Variants in HSD17B14 observed in about 807,000 individuals in gnomAD.
HSD17B14 encodes hydroxysteroid 17-beta dehydrogenase 14.
A neutral mutation model predicts 32.2 loss-of-function variants in HSD17B14; 32 were observed. That is an observed-to-expected ratio of 0.99 (90% confidence interval 0.75 to 1.33). HSD17B14 has a LOEUF of 1.33. HSD17B14 is among the 40% of genes most tolerant of loss of function. The pLI is 0.00. For synonymous variants in HSD17B14, 140 were observed against 155.4 expected (o/e 0.90, Z 0.74); for missense variants, 370 against 366.5 (o/e 1.01, Z -0.08).
At position 48,836,093 on chromosome 19, in the gene HSD17B14, G is replaced by T. The variant is rs567105339; in HGVS notation, c.88+231C>A. On this transcript the variant is annotated intron_variant, in intron 1 of 8. Transcript: ENST00000263278. ...TGACAGAGCCATTCCTCAAACCACTGGTTTTGTAGCTACACCAACAGACCC... is the reference window on the plus strand; with the variant it reads ...TGACAGAGCCATTCCTCAAACCACTTGTTTTGTAGCTACACCAACAGACCC... 2.0e-5 allele frequency among the ~76,000 whole-genome samples: 3 copies of T among 152,202 alleles called. No individual in the cohort carries two copies. The South Asian group carries it at 6.2e-4, about 32-fold the overall frequency.
At chr19:48,836,218 A>T in intron 1 of HSD17B14, 106 bp downstream of exon 1, 2 of 1,172,798 alleles carry the variant, frequency 1.7e-6, no homozygotes. Context: ...TTATAATATC[A>T]GAATCCTGGC....
rs2035518323 is a variant in HSD17B14, at chr19:48,836,425, G to A, written c.-14C>T. 1 of 1,592,924 alleles carries A rather than the reference G, an allele frequency of 6.3e-7. No individual in the cohort carries two copies. Among genetic ancestry groups the A allele is most frequent in the Admixed American group, 1.7e-5 (1 of 59,216 alleles). ...TCCCGTAGCCATCCCGTGTACGTCG[G>A]TCTCTCTCTCTCTCTACTCTGGGCC... is the stretch of plus-strand genomic sequence containing the variant. On this transcript the variant is annotated 5_prime_UTR_variant, in exon 1 of 9. Coordinates refer to ENST00000263278, the MANE Select transcript of HSD17B14 (RefSeq NM_016246.3).
At chr19:48,822,633 GTGATGGTGATGATGATTGTGGTAA>G (rs2035178957) in intron 5 of HSD17B14, among the ~76,000 whole-genome samples, 2 of 151,168 alleles carry the variant, frequency 1.3e-5, no homozygotes, top group African/African-American at 2.4e-5. Flanking sequence ...GATGATGGTG[GTGATGGTGATGATGATTGTGGTAA>G]TGATGGTGAT....
chr19:48,813,249 C>G lies in HSD17B14; in HGVS notation c.739G>C (p.Gly247Arg), dbSNP rs1339196792. 2 of 1,609,226 alleles carry G rather than the reference C, an allele frequency of 1.2e-6. No individual in the cohort carries two copies. The highest frequency in any genetic ancestry group is 1.7e-5 in the Admixed American group (1 of 59,290). The change falls in exon 9 of 9, where the codon GGG becomes CGG. Residue 247 changes from glycine to arginine, a missense_variant. Physicochemically the swap from Gly to Arg is moderately radical, Grantham distance 125. Transcript: ENST00000263278. ...FCTGIELLVT[G>R]GAELGYGCKA... The stretch of plus-strand genomic sequence containing the variant: ...CACCCGTACCCCAGCTCTGCACCCC[C>G]CGTCACGAGCAGTTCAATGCCCGTG...
chr19:48,825,399 C>T (rs1182222762), intron 5 of HSD17B14, among the ~76,000 whole-genome samples: 1 of 151,862 alleles, frequency 6.6e-6, no homozygotes, highest in South Asian at 2.1e-4. Flanking sequence ...ACAGCCTCAA[C>T]CTCCTGGGCT....
intron 5 of HSD17B14, among the ~76,000 whole-genome samples, chr19:48,819,791 C>T (rs2035115337): frequency 6.6e-6 from 1 of 152,204 alleles, no homozygotes; most frequent in Non-Finnish European, 1.5e-5. Context: ...CTGCCCAGGA[C>T]TGTAAACTCC....
chr19:48,818,266 G>A (rs934926573), intron 5 of HSD17B14, among the ~76,000 whole-genome samples: 5 of 146,504 alleles, frequency 3.4e-5, no homozygotes, highest in Non-Finnish European at 5.9e-5. Context: ...AGCCACAATC[G>A]CACCACTGCA....
intron 5 of HSD17B14, among the ~76,000 whole-genome samples, chr19:48,831,405 T>C (rs942535840): frequency 6.6e-6 from 1 of 151,784 alleles, no homozygotes; most frequent in African/African-American, 2.4e-5. Flanking sequence ...ATTATGAAAT[T>C]TAGCTGGTTT....
chr19:48,816,568 G>A (rs1374665125), intron 5 of HSD17B14, among the ~76,000 whole-genome samples: 3 of 152,068 alleles, frequency 2.0e-5, no homozygotes, highest in South Asian at 2.1e-4. Flanking sequence ...AATGCTAAAC[G>A]GGGACTTTCC....
rs1250953711 is a variant in HSD17B14 at position 48,835,846 on chromosome 19, G to A, written c.89-3C>T. 1 of 1,613,350 alleles carries A rather than the reference G, an allele frequency of 6.2e-7. No individual in the cohort carries two copies. The highest frequency in any genetic ancestry group is 1.3e-5 in the African/African-American group (1 of 74,966). On this transcript the variant is annotated splice_region_variant and splice_polypyrimidine_tract_variant and intron_variant, in intron 1 of 8. Coordinates refer to ENST00000263278, the MANE Select transcript of HSD17B14 (RefSeq NM_016246.3). ...AACCACTCGGGCCCCGCTGTTCACT[G>A]AGAATAGGAAGGGAACAGGTTACTC...
At chr19:48,824,863 G>T (rs1457460406) in intron 5 of HSD17B14, among the ~76,000 whole-genome samples, 2 of 151,922 alleles carry the variant, frequency 1.3e-5, no homozygotes, top group East Asian at 3.9e-4. Context: ...GGAATATTTT[G>T]TAAGTCTTAA....
At chr19:48,826,241 C>T (rs632191) in intron 5 of HSD17B14, among the ~76,000 whole-genome samples, 13,996 of 151,342 alleles carry the variant, frequency 0.092, 1,901 homozygotes, top group African/African-American at 0.3. Context: ...GCCTGTAATC[C>T]GAGCACTTTG....
At chr19:48,823,142 G>A (rs1382474818) in intron 5 of HSD17B14, among the ~76,000 whole-genome samples, 2 of 152,138 alleles carry the variant, frequency 1.3e-5, no homozygotes, top group Non-Finnish European at 2.9e-5. Flanking sequence ...TTAAATATGA[G>A]ATGGTATCAA....
intron 5 of HSD17B14, among the ~76,000 whole-genome samples, chr19:48,830,122 C>T (rs2035313024): frequency 6.6e-6 from 1 of 152,074 alleles, no homozygotes; most frequent in South Asian, 2.1e-4. Flanking sequence ...CTTAGGTGAG[C>T]GAGCCAGACA....
At chr19:48,819,247 C>G (rs1214152695) in intron 5 of HSD17B14, among the ~76,000 whole-genome samples, 1 of 152,156 alleles carries the variant, frequency 6.6e-6, no homozygotes, top group Non-Finnish European at 1.5e-5. Context: ...CCTCGGCCTC[C>G]CAAAGTGCTG....
chr19:48,820,143 C>T (rs901383310), intron 5 of HSD17B14, among the ~76,000 whole-genome samples: 11 of 151,648 alleles, frequency 7.3e-5, no homozygotes, highest in East Asian at 2.0e-4. Flanking sequence ...GGCAACACAG[C>T]AAGACCCGAT....
Position 48,813,424 on chromosome 19 carries a change from T to G in HSD17B14, c.639+32A>C. 3.2e-6 allele frequency: 5 copies of G among 1,576,188 alleles called. No individual in the cohort carries two copies. In the South Asian group the frequency reaches 5.8e-5, roughly 18 times the overall value. Reference sequence around the variant, plus strand: ...CCATGCCCCCCACCCCCATGCCACCTTCTACCACCTGGATCTGAACCCCAC... The same window carrying G: ...CCATGCCCCCCACCCCCATGCCACCGTCTACCACCTGGATCTGAACCCCAC... On this transcript the variant is annotated intron_variant, in intron 8 of 8. Coordinates refer to ENST00000263278, the MANE Select transcript of HSD17B14 (RefSeq NM_016246.3).
chr19:48,822,627 ATGG>A (rs1159477912), intron 5 of HSD17B14, among the ~76,000 whole-genome samples: 1 of 149,510 alleles, frequency 6.7e-6, no homozygotes, highest in African/African-American at 2.5e-5. Context: ...GGTAATGATG[ATGG>A]TGGTGATGGT....
In HSD17B14 at chr19:48,831,468, G is replaced by A. The variant is rs10410026; in HGVS notation, c.369+200C>T. ...CTCAGGAGGCTGAGGCACGAGAATC[G>A]CTTGAACCCAGGAGGTGGAGGTTGC... On this transcript the variant is annotated intron_variant, in intron 5 of 8. Coordinates refer to ENST00000263278, the MANE Select transcript of HSD17B14 (RefSeq NM_016246.3). 0.25 allele frequency among the ~76,000 whole-genome samples: 37,798 copies of A among 151,770 alleles called. 4,690 individuals carry two copies. The highest frequency in any genetic ancestry group is 0.28 in the East Asian group (1,463 of 5,136).
Sources: allele counts gnomAD v4.1 joint callset (sites outside exome capture counted in the v4.1 genomes callset), GRCh38; gene constraint gnomAD v4.1.1; transcripts MANE v1.5; gene names NCBI Gene and HGNC (gene_info 2026-07-23, HGNC 2026-07-21).